PPM1L: variants seen among roughly 807,000 people sequenced by gnomAD.
PPM1L encodes the protein protein phosphatase 1L.
A neutral mutation model predicts 31.4 loss-of-function variants in PPM1L; 13 were observed. The ratio of observed to expected loss-of-function variants is 0.41; its 90% CI spans 0.27 to 0.66. PPM1L has a LOEUF of 0.66. PPM1L is among the 30% of genes least tolerant of loss of function. PPM1L has a pLI of 0.29. For missense variants in PPM1L, 326 were observed against 453.7 expected, an observed-to-expected ratio of 0.72 and a Z score of 2.56; for synonymous variants, 184 against 175.4, an observed-to-expected ratio of 1.05 and a Z score of -0.39.
At chr3:160,846,712 A>AT (rs1714088999) in intron 1 of PPM1L, among the ~76,000 whole-genome samples, 1 of 152,148 alleles carries the variant, frequency 6.6e-6, no homozygotes, top group African/African-American at 2.4e-5. Context: ...CTTGAAAAAA[A>AT]TTTTAATTGA....
In PPM1L at chr3:161,033,409, C is replaced by T. The variant is rs555653519; in HGVS notation, c.575-31994C>T. 2.6e-5 allele frequency among the ~76,000 whole-genome samples: 4 copies of T among 152,260 alleles called. No individual in the cohort carries two copies. In the East Asian group the frequency reaches 7.7e-4, roughly 29 times the overall value. On this transcript the variant is annotated intron_variant, in intron 2 of 3. Transcript: ENST00000498165. The stretch of plus-strand genomic sequence containing the variant: ...AGAATCCTAAGCAAACAGAACAAAG[C>T]TGGAGGCATCATGCTACCTGACTTC...
intron 2 of PPM1L, among the ~76,000 whole-genome samples, chr3:161,064,175 AAAGT>A (rs1412466909): frequency 6.6e-6 from 1 of 151,694 alleles, no homozygotes; most frequent in East Asian, 1.9e-4. Flanking sequence ...CCCAGAACTT[AAAGT>A]AAAATTAAAA....
rs568926265 is a variant in PPM1L, at chr3:160,924,063, G to A, written c.400-37673G>A. 2.3e-4 allele frequency among the ~76,000 whole-genome samples: 35 copies of A among 152,254 alleles called. No homozygotes were observed. The South Asian group carries it at 6.6e-3, about 29-fold the overall frequency. On this transcript the variant is annotated intron_variant, in intron 1 of 3. Coordinates refer to ENST00000498165, the MANE Select transcript of PPM1L (RefSeq NM_139245.4). ...CAGTACAACAAATGTCCTGTTAAAA[G>A]TCTGTTTTCATTAGAAATTATATTC...
intron 2 of PPM1L, among the ~76,000 whole-genome samples, chr3:161,056,707 C>G (rs1311216344): frequency 6.6e-6 from 1 of 152,016 alleles, no homozygotes; most frequent in Non-Finnish European, 1.5e-5. Context: ...TTCGCTCCTA[C>G]CCCAATCCTT....
chr3:160,912,988 G>A (rs1714026481), intron 1 of PPM1L, among the ~76,000 whole-genome samples: 2 of 152,100 alleles, frequency 1.3e-5, no homozygotes, highest in Admixed American at 1.3e-4. Flanking sequence ...TGTTCATTTG[G>A]TGGCATTACA....
chr3:160,809,349 C>T (rs1054809002), intron 1 of PPM1L, among the ~76,000 whole-genome samples: 1 of 152,110 alleles, frequency 6.6e-6, no homozygotes, highest in Non-Finnish European at 1.5e-5. Flanking sequence ...CTCATAAGTC[C>T]TGCCTTTACC....
intron 1 of PPM1L, among the ~76,000 whole-genome samples, chr3:160,839,910 A>G (rs1241969469): frequency 6.6e-6 from 1 of 152,158 alleles, no homozygotes; most frequent in Non-Finnish European, 1.5e-5. Flanking sequence ...TATATCTCGA[A>G]TGTATGCATT....
intron 2 of PPM1L, among the ~76,000 whole-genome samples, chr3:161,037,955 C>T (rs566066709): frequency 4.6e-5 from 7 of 151,792 alleles, no homozygotes; most frequent in Non-Finnish European, 8.8e-5. Context: ...TGACAGTGGC[C>T]GGGCGCGGTG....
chr3:161,049,789 T>C (rs1406307742), intron 2 of PPM1L, among the ~76,000 whole-genome samples: 1 of 152,172 alleles, frequency 6.6e-6, no homozygotes, highest in Non-Finnish European at 1.5e-5. Flanking sequence ...GATTCTGGCA[T>C]CCTGTAACTC....
At chr3:160,930,530 G>A (rs999686176) in intron 1 of PPM1L, among the ~76,000 whole-genome samples, 1 of 152,114 alleles carries the variant, frequency 6.6e-6, no homozygotes, top group East Asian at 1.9e-4. Context: ...GCTTGTAACC[G>A]AATTCCGGTT....
At chr3:160,928,221 G>A (rs1714666067) in intron 1 of PPM1L, among the ~76,000 whole-genome samples, 1 of 152,110 alleles carries the variant, frequency 6.6e-6, no homozygotes, top group South Asian at 2.1e-4. Flanking sequence ...TCTAAAGTAT[G>A]GATAAAATGA....
rs760363593 is a variant in PPM1L, at chr3:160,835,039, A to ACTACTTCTTCTTCTTCTT, written c.399+78334_399+78335insACTTCTTCTTCTTCTTCT. The stretch of plus-strand genomic sequence containing the variant: ...TACTACTACTACTATTACTACTACT[A>ACTACTTCTTCTTCTTCTT]CTTCTTCTTCTTCTTCTTCTTCTTC... On this transcript the variant is annotated intron_variant, in intron 1 of 3. Coordinates refer to ENST00000498165, the MANE Select transcript of PPM1L (RefSeq NM_139245.4). Among the ~76,000 whole-genome samples the ACTACTTCTTCTTCTTCTT allele has an allele frequency of 7.5e-3, 991 of 131,786 alleles. 9 individuals carry two copies. The highest frequency in any genetic ancestry group is 0.013 in the African/African-American group (431 of 32,230). 86.5% of individuals were successfully genotyped at this position (131,786 alleles called of 152,430 possible). A position where few individuals can be genotyped will look rare whatever the true frequency, so the allele number is the denominator to read the frequency against.
chr3:160,939,816 G>A, intron 1 of PPM1L: 1 of 159,844 alleles, frequency 6.3e-6, no homozygotes, highest in Non-Finnish European at 1.3e-5. Context: ...CAGTAAAGTG[G>A]GGTGTTGCTG....
At chr3:160,820,292 T>C (rs1713155977) in intron 1 of PPM1L, among the ~76,000 whole-genome samples, 1 of 152,122 alleles carries the variant, frequency 6.6e-6, no homozygotes, top group Non-Finnish European at 1.5e-5. Context: ...TTATTTGCTT[T>C]CATGCTTTCA....
chr3:161,025,671 G>C (rs1004434728), intron 2 of PPM1L, among the ~76,000 whole-genome samples: 1 of 151,896 alleles, frequency 6.6e-6, no homozygotes, highest in African/African-American at 2.4e-5. Flanking sequence ...GCCCTCACTA[G>C]AGGCTGGTGC....
intron 2 of PPM1L, among the ~76,000 whole-genome samples, chr3:161,026,466 C>A (rs1256334448): frequency 6.6e-6 from 1 of 152,140 alleles, no homozygotes; most frequent in Non-Finnish European, 1.5e-5. Flanking sequence ...GAGGCCGAGG[C>A]AGGAGGATCA....
intron 2 of PPM1L, among the ~76,000 whole-genome samples, chr3:160,997,883 A>G (rs1717374103): frequency 6.6e-6 from 1 of 152,202 alleles, no homozygotes; most frequent in South Asian, 2.1e-4. Context: ...AAAATTGTAT[A>G]TGTCCTGAAG....
intron 1 of PPM1L, among the ~76,000 whole-genome samples, chr3:160,873,936 T>C (rs1712409611): frequency 6.6e-6 from 1 of 152,224 alleles, no homozygotes; most frequent in Non-Finnish European, 1.5e-5. Flanking sequence ...GGCTCTAGTC[T>C]TATCCTTTGC....
intron 2 of PPM1L, among the ~76,000 whole-genome samples, chr3:160,977,970 G>T (rs954658305): frequency 3.3e-5 from 5 of 152,108 alleles, no homozygotes; most frequent in African/African-American, 1.2e-4. Context: ...TCTTAGTCTG[G>T]GTTCCTCAAA....
Sources: allele counts gnomAD v4.1 joint callset (sites outside exome capture counted in the v4.1 genomes callset), GRCh38; gene constraint gnomAD v4.1.1; transcripts MANE v1.5; gene names NCBI Gene and HGNC (gene_info 2026-07-23, HGNC 2026-07-21).